SETD3: variants seen among roughly 807,000 people sequenced by gnomAD.
SETD3 encodes the protein SET domain containing 3, actin N3(tau)-histidine methyltransferase, also known as actin-histidine N-methyltransferase.
SETD3 carries 19 observed loss-of-function variants against 63.0 expected under a neutral mutation model. The ratio of observed to expected loss-of-function variants is 0.30; its 90% confidence interval spans 0.21 to 0.44. SETD3 has a LOEUF of 0.44. SETD3 is among the 20% of genes least tolerant of loss of function. SETD3 has a pLI of 1.00. For missense variants in SETD3, 587 were observed against 728.5 expected, an observed-to-expected ratio of 0.81 and a Z score of 2.24; for synonymous variants, 286 against 264.1, an observed-to-expected ratio of 1.08 and a Z score of -0.80.
At chr14:99,438,388 G>A (rs555905105) in intron 6 of SETD3, among the ~76,000 whole-genome samples, 6 of 152,296 alleles carry the variant, frequency 3.9e-5, no homozygotes, top group Admixed American at 2.0e-4. Flanking sequence ...CTGAAAGCTC[G>A]GATGCAAAGC....
At chr14:99,456,001 G>C (rs1317988145) in intron 6 of SETD3, among the ~76,000 whole-genome samples, 1 of 152,084 alleles carries the variant, frequency 6.6e-6, no homozygotes, top group Admixed American at 6.5e-5. Flanking sequence ...CAAAAAATAC[G>C]AAAAATTAGC....
intron 11 of SETD3, among the ~76,000 whole-genome samples, chr14:99,400,921 C>T (rs1254454576): frequency 6.6e-6 from 1 of 152,210 alleles, no homozygotes; most frequent in Non-Finnish European, 1.5e-5. Flanking sequence ...AGGTGGATCA[C>T]TTGAGCCCAG....
In SETD3 at chr14:99,398,605, G is replaced by A; in HGVS notation, c.*74C>T. On this transcript the variant is annotated 3_prime_UTR_variant, in exon 13 of 13. Coordinates refer to ENST00000331768, the MANE Select transcript of SETD3 (RefSeq NM_032233.3). Reference sequence around the variant, plus strand: ...TCTGCAGAAAGAAAAATGTTAACAAGGAAACACAGCGATGTGAACGGACTG... The same window carrying A: ...TCTGCAGAAAGAAAAATGTTAACAAAGAAACACAGCGATGTGAACGGACTG... The A allele has an allele frequency of 2.2e-6, 3 of 1,347,082 alleles. No individual in the cohort carries two copies. Among genetic ancestry groups the A allele is most frequent in the Non-Finnish European group, 1.0e-6 (1 of 974,370 alleles). The allele number at this position is 1,347,082 out of a possible 1,614,324, so 83.4% of individuals were successfully genotyped here.
chr14:99,456,434 T>C lies in SETD3; in HGVS notation c.675+1845A>G, dbSNP rs1054170950. On this transcript the variant is annotated intron_variant, in intron 6 of 12. Transcript: ENST00000331768. ...GGAATAATTTCTTTAAAAAGATTAG[T>C]GCTCTAAGAATGTTGTTTTTAAAAA... 1.5e-4 allele frequency among the ~76,000 whole-genome samples: 23 copies of C among 152,342 alleles called. 1 individual carries two copies. Among genetic ancestry groups the C allele is most frequent in the South Asian group, 6.2e-4 (3 of 4,832 alleles).
intron 1 of SETD3, among the ~76,000 whole-genome samples, chr14:99,479,388 CT>C (rs1896140878): frequency 6.6e-6 from 1 of 152,230 alleles, no homozygotes; most frequent in South Asian, 2.1e-4. Flanking sequence ...TACTGCTGGA[CT>C]TTCACGCATG....
chr14:99,423,517 T>A (rs1343500076), intron 6 of SETD3, among the ~76,000 whole-genome samples: 1 of 149,086 alleles, frequency 6.7e-6, no homozygotes. Context: ...TCAGTTGATT[T>A]TTTTTAATTG....
intron 11 of SETD3, among the ~76,000 whole-genome samples, chr14:99,401,609 T>C (rs891291176): frequency 6.6e-6 from 1 of 152,242 alleles, no homozygotes; most frequent in African/African-American, 2.4e-5. Context: ...AAACAAGCTA[T>C]CTAATGTTCA....
intron 6 of SETD3, among the ~76,000 whole-genome samples, chr14:99,433,641 G>A (rs1307312234): frequency 6.6e-6 from 1 of 152,092 alleles, no homozygotes; most frequent in East Asian, 1.9e-4. Context: ...GTTTTACCAT[G>A]TTAGCCAGGA....
At chr14:99,432,197 T>A (rs1309420605) in intron 6 of SETD3, among the ~76,000 whole-genome samples, 1 of 152,214 alleles carries the variant, frequency 6.6e-6, no homozygotes, top group Non-Finnish European at 1.5e-5. Flanking sequence ...CCCTTCTACC[T>A]GGCAAATGTC....
intron 6 of SETD3, among the ~76,000 whole-genome samples, chr14:99,434,847 CAAAAAAA>C (rs71110599): frequency 6.6e-5 from 2 of 30,396 alleles, no homozygotes; most frequent in Non-Finnish European, 1.1e-4. Flanking sequence ...AACTCTGCCT[CAAAAAAA>C]AAAAAAAAAA....
At chr14:99,433,281 T>C (rs753178845) in intron 6 of SETD3, among the ~76,000 whole-genome samples, 1 of 152,172 alleles carries the variant, frequency 6.6e-6, no homozygotes, top group Non-Finnish European at 1.5e-5. Flanking sequence ...TATGTGTGTT[T>C]TACAATTTTA....
rs766970594 is a variant in SETD3, at chr14:99,465,688, C to T, written c.103+15G>A. The T allele has an allele frequency of 1.2e-6, 2 of 1,606,084 alleles. No homozygotes were observed. The highest frequency in any genetic ancestry group is 1.7e-6 in the Non-Finnish European group (2 of 1,173,368). On this transcript the variant is annotated intron_variant, in intron 2 of 12. Transcript: ENST00000331768. ...CCACCACATCAAGGCAGGGAGAGCC[C>T]AGAGGAGGACTTACTCTGCAGCAGC... is the stretch of plus-strand genomic sequence containing the variant.
chr14:99,401,433 T>C (rs1214538009), intron 11 of SETD3, among the ~76,000 whole-genome samples: 1 of 152,216 alleles, frequency 6.6e-6, no homozygotes, highest in Non-Finnish European at 1.5e-5. Flanking sequence ...TGTCACTATT[T>C]ACGATTCAAA....
At chr14:99,443,390 C>A (rs1426496082) in intron 6 of SETD3, among the ~76,000 whole-genome samples, 1 of 151,016 alleles carries the variant, frequency 6.6e-6, no homozygotes, top group Non-Finnish European at 1.5e-5. Flanking sequence ...TAGCTGGGAT[C>A]ACAGGCGCAC....
At position 99,398,407 on chromosome 14, in the gene SETD3, T is replaced by C. The variant is rs996406168; in HGVS notation, c.*272A>G. 11 of 415,450 alleles carry C rather than the reference T, an allele frequency of 2.6e-5. No individual in the cohort carries two copies. Among genetic ancestry groups the C allele is most frequent in the African/African-American group, 2.0e-4 (10 of 50,034 alleles). 25.7% of individuals were successfully genotyped at this position (415,450 alleles called of 1,614,324 possible). On this transcript the variant is annotated 3_prime_UTR_variant, in exon 13 of 13. Coordinates refer to ENST00000331768, the MANE Select transcript of SETD3 (RefSeq NM_032233.3). ...AGGAAGAAAATACCTATACCCACAA[T>C]AGGTCTGCAAAATCTCCCACAGGCA...
chr14:99,479,610 G>A (rs376292702), intron 1 of SETD3, among the ~76,000 whole-genome samples: 3 of 152,144 alleles, frequency 2.0e-5, no homozygotes, highest in East Asian at 3.8e-4. Flanking sequence ...AGAGGGAGAG[G>A]TATATTTTAC....
intron 6 of SETD3, among the ~76,000 whole-genome samples, chr14:99,443,255 ATTTTT>A (rs996583091): frequency 9.2e-6 from 1 of 108,800 alleles, no homozygotes; most frequent in Non-Finnish European, 1.8e-5. Flanking sequence ...CTGAACTCCC[ATTTTT>A]TTTTTTTTTT....
intron 2 of SETD3, among the ~76,000 whole-genome samples, 156 bp downstream of exon 2, chr14:99,465,547 C>CA (rs1380396064): frequency 6.6e-6 from 1 of 152,180 alleles, no homozygotes. Context: ...GTGAGGACTG[C>CA]AAGCCTGGGA....
chr14:99,455,505 G>A (rs1894708193), intron 6 of SETD3, among the ~76,000 whole-genome samples: 1 of 152,120 alleles, frequency 6.6e-6, no homozygotes, highest in Admixed American at 6.5e-5. Flanking sequence ...AAATGCCAGT[G>A]ACCAAAAAAG....
Sources: allele counts gnomAD v4.1 joint callset (sites outside exome capture counted in the v4.1 genomes callset), GRCh38; gene constraint gnomAD v4.1.1; transcripts MANE v1.5; gene names NCBI Gene and HGNC (gene_info 2026-07-23, HGNC 2026-07-21).